TTC28: variants seen among roughly 807,000 people sequenced by gnomAD.
TTC28 encodes the protein tetratricopeptide repeat protein 28.
In TTC28, 61 loss-of-function variants were observed where a neutral mutation model predicts 198.0. The observed-to-expected ratio is 0.31, with a 90% CI of 0.25 to 0.38. The LOEUF (loss-of-function observed/expected upper bound fraction) is 0.38, where lower values mean the gene tolerates loss of function less well. TTC28 is among the 10% of genes least tolerant of loss of function. The pLI, the probability that TTC28 is intolerant of heterozygous loss-of-function variation, is 1.00. For missense variants in TTC28, 2,678 were observed against 3,164.0 expected, an observed-to-expected ratio of 0.85 and a Z score of 3.69; for synonymous variants, 1,171 against 1,297.8, an observed-to-expected ratio of 0.90 and a Z score of 2.10.
At chr22:28,378,649 AAAC>A (rs901486200) in intron 2 of TTC28, among the ~76,000 whole-genome samples, 21 of 152,240 alleles carry the variant, frequency 1.4e-4, no homozygotes, top group Middle Eastern at 6.8e-3. Flanking sequence ...TGTGTCAAAA[AAAC>A]AACAACAAAA....
At chr22:28,136,956 G>T (rs1217438966) in intron 6 of TTC28, among the ~76,000 whole-genome samples, 3 of 152,138 alleles carry the variant, frequency 2.0e-5, no homozygotes, top group Admixed American at 1.3e-4. Flanking sequence ...GGACTGCTGA[G>T]GTTCCACTGG....
At chr22:28,165,735 C>T (rs1297030825) in intron 5 of TTC28, among the ~76,000 whole-genome samples, 8 of 152,028 alleles carry the variant, frequency 5.3e-5, no homozygotes, top group Middle Eastern at 3.2e-3. Flanking sequence ...TGCCAAATTG[C>T]AAAGACCATC....
At chr22:28,118,665 C>A (rs1223882986) in intron 6 of TTC28, among the ~76,000 whole-genome samples, 1 of 152,118 alleles carries the variant, frequency 6.6e-6, no homozygotes, top group African/African-American at 2.4e-5. Context: ...TGTGTAAGTG[C>A]ACTCTGATGT....
chr22:28,467,906 C>T (rs913165263), intron 2 of TTC28, among the ~76,000 whole-genome samples: 3 of 152,144 alleles, frequency 2.0e-5, no homozygotes, highest in East Asian at 1.9e-4. Flanking sequence ...GGACCACAGG[C>T]GCATGCCACT....
chr22:28,225,913 T>C (rs1396685876), intron 5 of TTC28, among the ~76,000 whole-genome samples: 1 of 152,256 alleles, frequency 6.6e-6, no homozygotes, highest in Non-Finnish European at 1.5e-5. Context: ...GTTGGGCTTC[T>C]TTCACTCAAC....
rs77622518 is a variant in TTC28, at chr22:28,499,553, A to G, written c.381+129999T>C. Among the ~76,000 whole-genome samples the G allele has an allele frequency of 7.8e-3, 1,188 of 152,300 alleles. 23 individuals carry two copies. Among genetic ancestry groups the G allele is most frequent in the African/African-American group, 0.026 (1,100 of 41,572 alleles). On this transcript the variant is annotated intron_variant, in intron 2 of 22. Coordinates refer to ENST00000397906, the MANE Select transcript of TTC28 (RefSeq NM_001145418.2). ...AAAAAAATGCAGATTTTAGCAATAC[A>G]GTAAACTAATGGTCATCCTCATTAA...
At chr22:28,111,525 G>A (rs1942481166) in intron 6 of TTC28, among the ~76,000 whole-genome samples, 2 of 150,714 alleles carry the variant, frequency 1.3e-5, no homozygotes, top group African/African-American at 4.9e-5. Context: ...TTCCTCAGAG[G>A]AAATTTTTTT....
chr22:28,675,795 C>T (rs564366845), intron 1 of TTC28, among the ~76,000 whole-genome samples: 68 of 150,290 alleles, frequency 4.5e-4, no homozygotes, highest in Non-Finnish European at 8.3e-4. Context: ...GAGGCATGAG[C>T]CTCTTTTATA....
chr22:28,009,465 T>G (rs573950939), intron 14 of TTC28, among the ~76,000 whole-genome samples: 1 of 152,232 alleles, frequency 6.6e-6, no homozygotes, highest in Non-Finnish European at 1.5e-5. Context: ...GCTTGGCAGC[T>G]GACAGCGGCA....
chr22:28,108,809 C>A (rs1253598116), intron 6 of TTC28, among the ~76,000 whole-genome samples: 1 of 152,198 alleles, frequency 6.6e-6, no homozygotes, highest in African/African-American at 2.4e-5. Context: ...TGTTAGCAGA[C>A]AACTCACATC....
At chr22:28,553,052 G>A (rs1262082441) in intron 2 of TTC28, among the ~76,000 whole-genome samples, 1 of 152,172 alleles carries the variant, frequency 6.6e-6, no homozygotes, top group African/African-American at 2.4e-5. Flanking sequence ...GCCTCCCGAG[G>A]TGCCGGGATT....
intron 2 of TTC28, among the ~76,000 whole-genome samples, chr22:28,558,607 G>A (rs1008232945): frequency 2.6e-5 from 4 of 152,052 alleles, no homozygotes; most frequent in East Asian, 1.9e-4. Context: ...CCCCGGAGGC[G>A]GAGGTTGCAG....
chr22:28,342,071 G>A (rs565499713), intron 2 of TTC28, among the ~76,000 whole-genome samples: 2 of 152,118 alleles, frequency 1.3e-5, no homozygotes, highest in Non-Finnish European at 2.9e-5. Context: ...TTAAAACTCT[G>A]TAATAAAAAG....
chr22:28,467,383 C>G (rs1177249747), intron 2 of TTC28, among the ~76,000 whole-genome samples: 1 of 152,116 alleles, frequency 6.6e-6, no homozygotes, highest in Admixed American at 6.5e-5. Context: ...GTGATTGCAC[C>G]ACTGCACTCC....
chr22:28,121,682 G>A (rs1942790515), intron 6 of TTC28, among the ~76,000 whole-genome samples: 1 of 152,192 alleles, frequency 6.6e-6, no homozygotes. Context: ...AAAGGCTGGT[G>A]CACCCAATAT....
intron 2 of TTC28, among the ~76,000 whole-genome samples, chr22:28,549,136 T>C (rs956253639): frequency 1.3e-5 from 2 of 152,242 alleles, no homozygotes; most frequent in Middle Eastern, 3.4e-3. Context: ...CAAGAAATTA[T>C]CCTGCCCCAG....
At chr22:28,132,071 C>G (rs895355084) in intron 6 of TTC28, among the ~76,000 whole-genome samples, 2 of 151,948 alleles carry the variant, frequency 1.3e-5, no homozygotes, top group Admixed American at 6.6e-5. Flanking sequence ...AACAGTTATA[C>G]TCTAAGAAAA....
chr22:28,329,492 G>A (rs1056680658), intron 2 of TTC28, among the ~76,000 whole-genome samples: 3 of 152,022 alleles, frequency 2.0e-5, no homozygotes, highest in Admixed American at 6.6e-5. Flanking sequence ...AGCTTTCCCC[G>A]ATGAGACATG....
chr22:28,444,318 C>T (rs16986435), intron 2 of TTC28, among the ~76,000 whole-genome samples: 2,464 of 152,178 alleles, frequency 0.016, 89 homozygotes, highest in African/African-American at 0.057. Context: ...TACCCTCAGA[C>T]TTCTGTATGC....
Sources: allele counts gnomAD v4.1 joint callset (sites outside exome capture counted in the v4.1 genomes callset), GRCh38; gene constraint gnomAD v4.1.1; transcripts MANE v1.5; gene names NCBI Gene and HGNC (gene_info 2026-07-23, HGNC 2026-07-21).